SGCZ: variants seen among roughly 807,000 people sequenced by gnomAD.
The protein encoded by SGCZ is sarcoglycan zeta, also known as zeta-sarcoglycan.
Under a neutral mutation model 41.3 loss-of-function variants are expected in SGCZ, and 40 were observed. The ratio of observed to expected loss-of-function variants is 0.97; its 90% CI spans 0.75 to 1.26. The LOEUF (loss-of-function observed/expected upper bound fraction) is 1.26. SGCZ is among the 50% of genes most tolerant of loss of function. SGCZ has a pLI of 0.00. For synonymous variants in SGCZ, 206 were observed against 137.5 expected (o/e 1.50, Z -3.49); for missense variants, 552 against 369.8 (o/e 1.49, Z -4.04).
chr8:14,448,672 A>C (rs1369945406), intron 2 of SGCZ, among the ~76,000 whole-genome samples: 1 of 146,834 alleles, frequency 6.8e-6, no homozygotes, highest in Non-Finnish European at 1.5e-5. Flanking sequence ...TCCTCAGTTC[A>C]TAAATGTTCT....
intron 1 of SGCZ, among the ~76,000 whole-genome samples, chr8:15,138,884 G>A (rs147927370): frequency 3.3e-5 from 5 of 152,188 alleles, no homozygotes; most frequent in African/African-American, 1.2e-4. Context: ...CATAAAGGAT[G>A]GAGTTCAAAA....
At chr8:14,364,497 A>G (rs1010535300) in intron 2 of SGCZ, among the ~76,000 whole-genome samples, 4 of 152,128 alleles carry the variant, frequency 2.6e-5, no homozygotes, top group African/African-American at 7.2e-5. Context: ...ATTTTTATAC[A>G]TTGCCATTCT....
At chr8:14,382,204 A>T (rs944451725) in intron 2 of SGCZ, among the ~76,000 whole-genome samples, 1 of 152,188 alleles carries the variant, frequency 6.6e-6, no homozygotes, top group Non-Finnish European at 1.5e-5. Flanking sequence ...ATGAAATTAG[A>T]TATCATCACC....
At chr8:14,619,789 G>C (rs942812605) in intron 1 of SGCZ, among the ~76,000 whole-genome samples, 10 of 152,138 alleles carry the variant, frequency 6.6e-5, no homozygotes, top group African/African-American at 2.2e-4. Context: ...CGAAATAAAA[G>C]AGGACACAAA....
intron 1 of SGCZ, among the ~76,000 whole-genome samples, chr8:14,935,259 G>A (rs1800047550): frequency 6.6e-6 from 1 of 151,448 alleles, no homozygotes; most frequent in South Asian, 2.1e-4. Context: ...CATATACATG[G>A]TATCACATGT....
At chr8:14,482,551 G>A (rs73188297) in intron 2 of SGCZ, among the ~76,000 whole-genome samples, 2,885 of 152,136 alleles carry the variant, frequency 0.019, 41 homozygotes, top group East Asian at 0.079. Context: ...TGATTAAGAC[G>A]GGTGTGGTGG....
At chr8:14,381,153 T>C (rs936574387) in intron 2 of SGCZ, among the ~76,000 whole-genome samples, 6 of 152,226 alleles carry the variant, frequency 3.9e-5, no homozygotes, top group African/African-American at 1.4e-4. Context: ...ATACAAAGGA[T>C]TTAGATATAT....
intron 1 of SGCZ, among the ~76,000 whole-genome samples, chr8:14,969,250 C>T (rs1339585349): frequency 2.0e-5 from 3 of 152,084 alleles, no homozygotes; most frequent in South Asian, 2.1e-4. Context: ...TGGGTGTCCA[C>T]GAGATATTAA....
chr8:14,647,313 T>C (rs35931805), intron 1 of SGCZ, among the ~76,000 whole-genome samples: 2 of 151,752 alleles, frequency 1.3e-5, no homozygotes, highest in Admixed American at 6.6e-5. Context: ...ATTGCTTTAC[T>C]GATATATCAA....
intron 1 of SGCZ, among the ~76,000 whole-genome samples, chr8:14,587,495 A>AC (rs148878014): frequency 0.14 from 20,608 of 151,988 alleles, 1,560 homozygotes; most frequent in East Asian, 0.34. Flanking sequence ...ACACAGGGAG[A>AC]CCTGCCTCTA....
At chr8:15,208,377 C>A (rs75232572) in intron 1 of SGCZ, among the ~76,000 whole-genome samples, 1 of 152,204 alleles carries the variant, frequency 6.6e-6, no homozygotes, top group African/African-American at 2.4e-5. Context: ...TGCTGGTAAT[C>A]TGTTCTAATG....
At chr8:14,704,482 C>G (rs908976268) in intron 1 of SGCZ, among the ~76,000 whole-genome samples, 1 of 151,764 alleles carries the variant, frequency 6.6e-6, no homozygotes, top group Non-Finnish European at 1.5e-5. Context: ...TCAAAGATAC[C>G]TTATTAATTC....
chr8:14,953,581 T>C (rs1800708524), intron 1 of SGCZ, among the ~76,000 whole-genome samples: 1 of 152,138 alleles, frequency 6.6e-6, no homozygotes, highest in Non-Finnish European at 1.5e-5. Flanking sequence ...AGAAGTGCAA[T>C]AACAGAGGTT....
At chr8:14,555,903 A>C (rs1804021570) in intron 1 of SGCZ, among the ~76,000 whole-genome samples, 1 of 152,044 alleles carries the variant, frequency 6.6e-6, no homozygotes, top group Admixed American at 6.6e-5. Flanking sequence ...TATTTCAATG[A>C]GTTATCAGAA....
At chr8:14,460,721 G>C (rs1011358947) in intron 2 of SGCZ, among the ~76,000 whole-genome samples, 3 of 152,148 alleles carry the variant, frequency 2.0e-5, no homozygotes, top group Admixed American at 6.6e-5. Context: ...AGAAAGACAA[G>C]TGTGTGTAGT....
chr8:14,453,726 T>A (rs73519309), intron 2 of SGCZ, among the ~76,000 whole-genome samples: 9,587 of 152,304 alleles, frequency 0.063, 992 homozygotes, highest in African/African-American at 0.22. Flanking sequence ...AGCGAGAATG[T>A]TCTCATCTTT....
At chr8:14,928,413 G>T (rs1242140979) in intron 1 of SGCZ, among the ~76,000 whole-genome samples, 1 of 152,120 alleles carries the variant, frequency 6.6e-6, no homozygotes, top group African/African-American at 2.4e-5. Context: ...ACTGAATAAT[G>T]ATATGGAGGT....
chr8:15,217,356 G>A (rs1294024478), intron 1 of SGCZ, among the ~76,000 whole-genome samples: 1 of 150,030 alleles, frequency 6.7e-6, no homozygotes, highest in East Asian at 2.0e-4. Context: ...GGCGGAGCTT[G>A]CAGTGAGTCG....
chr8:14,912,916 T>A (rs1000800709), intron 1 of SGCZ, among the ~76,000 whole-genome samples: 1 of 152,034 alleles, frequency 6.6e-6, no homozygotes, highest in Non-Finnish European at 1.5e-5. Context: ...AGACTAACAC[T>A]CCACAGTGAG....
Sources: allele counts gnomAD v4.1 joint callset (sites outside exome capture counted in the v4.1 genomes callset), GRCh38; gene constraint gnomAD v4.1.1; transcripts MANE v1.5; gene names NCBI Gene and HGNC (gene_info 2026-07-23, HGNC 2026-07-21).